Variants in CCDC178 observed in about 807,000 individuals in gnomAD.
The protein encoded by CCDC178 is coiled-coil domain containing 178.
CCDC178 carries 126 observed loss-of-function variants against 117.4 expected under a neutral mutation model. That is an observed-to-expected ratio of 1.07 (90% CI 0.93 to 1.24). CCDC178 has a LOEUF of 1.24. Ranked by LOEUF, CCDC178 falls within the 50% of genes most tolerant of loss-of-function variation. The pLI is 0.00. For synonymous variants in CCDC178, 283 were observed against 313.4 expected (o/e 0.90, Z 1.02); for missense variants, 1,030 against 986.9 (o/e 1.04, Z -0.59).
At chr18:33,322,974 A>G (rs1206528825) in intron 11 of CCDC178, among the ~76,000 whole-genome samples, 2 of 151,478 alleles carry the variant, frequency 1.3e-5, no homozygotes, top group African/African-American at 4.8e-5. Flanking sequence ...AACTGAAGGA[A>G]TAGCAGAAAA....
intron 20 of CCDC178, among the ~76,000 whole-genome samples, chr18:33,123,966 G>A (rs973629249): frequency 6.6e-6 from 1 of 152,104 alleles, no homozygotes; most frequent in Non-Finnish European, 1.5e-5. Flanking sequence ...ATAATGGAGC[G>A]TGTCTCTGCA....
chr18:33,091,321 A>ATTTTTTTTT (rs1415932731), intron 21 of CCDC178, among the ~76,000 whole-genome samples: 23 of 18,362 alleles, frequency 1.3e-3, no homozygotes, highest in East Asian at 4.4e-3. Flanking sequence ...CACTTATTTC[A>ATTTTTTTTT]TTCTTTTTTT....
At chr18:33,092,673 T>A (rs1188857910) in intron 21 of CCDC178, 88 bp downstream of exon 21, 30 of 831,342 alleles carry the variant, frequency 3.6e-5, no homozygotes, top group Non-Finnish European at 3.5e-5. Context: ...CATCGTCAGA[T>A]CAGAGGCACC....
chr18:33,338,674 C>A (rs1489735446), intron 9 of CCDC178, among the ~76,000 whole-genome samples: 1 of 152,086 alleles, frequency 6.6e-6, no homozygotes, highest in Admixed American at 6.5e-5. Flanking sequence ...TATGTTCTCA[C>A]TCATAAGTGG....
chr18:33,336,771 T>A (rs938032603), intron 9 of CCDC178, among the ~76,000 whole-genome samples: 2 of 151,942 alleles, frequency 1.3e-5, no homozygotes, highest in African/African-American at 4.8e-5. Context: ...TAAATACAAA[T>A]TAAACATTAA....
chr18:33,137,279 T>C (rs763594255), intron 20 of CCDC178, among the ~76,000 whole-genome samples: 1 of 152,236 alleles, frequency 6.6e-6, no homozygotes, highest in Non-Finnish European at 1.5e-5. Flanking sequence ...AAACACTTTT[T>C]AAAAAGCAAG....
intron 15 of CCDC178, among the ~76,000 whole-genome samples, chr18:33,241,428 TCGTGTG>T (rs1197235341): frequency 3.7e-5 from 2 of 54,502 alleles, no homozygotes; most frequent in East Asian, 7.0e-4. Context: ...GATTATATGA[TCGTGTG>T]TGTGTGTGTG....
At chr18:33,020,532 A>G (rs1394079888) in intron 21 of CCDC178, among the ~76,000 whole-genome samples, 1 of 152,208 alleles carries the variant, frequency 6.6e-6, no homozygotes, top group East Asian at 1.9e-4. Context: ...TAAGTCCATG[A>G]GCCCACTTTG....
intron 19 of CCDC178, 92 bp downstream of exon 19, chr18:33,215,458 C>A: frequency 1.3e-6 from 1 of 764,228 alleles, no homozygotes; most frequent in Non-Finnish European, 1.9e-6. Flanking sequence ...AAATACGAAC[C>A]ATTTTAAGAA....
chr18:33,329,874 A>AGT (rs764565977), intron 10 of CCDC178, among the ~76,000 whole-genome samples: 3,072 of 75,400 alleles, frequency 0.041, 50 homozygotes, highest in Non-Finnish European at 0.048. Flanking sequence ...GAGAATTATT[A>AGT]GAGTGTGTGT....
At chr18:33,012,204 A>G (rs1230781122) in intron 21 of CCDC178, among the ~76,000 whole-genome samples, 7 of 152,232 alleles carry the variant, frequency 4.6e-5, no homozygotes, top group African/African-American at 1.7e-4. Flanking sequence ...TTATTTCTGC[A>G]AAACATTATA....
At chr18:33,073,626 T>C (rs1228123206) in intron 21 of CCDC178, among the ~76,000 whole-genome samples, 4 of 152,086 alleles carry the variant, frequency 2.6e-5, no homozygotes, top group African/African-American at 9.7e-5. Context: ...TCTCAGTGGG[T>C]ATGCATAAAC....
intron 14 of CCDC178, among the ~76,000 whole-genome samples, chr18:33,261,264 T>C (rs187134596): frequency 0.014 from 2,056 of 152,258 alleles, 24 homozygotes; most frequent in Non-Finnish European, 0.023. Context: ...TTTGTATTTT[T>C]AGTAGAGACG....
At chr18:33,199,070 C>T (rs2058964445) in intron 20 of CCDC178, among the ~76,000 whole-genome samples, 1 of 151,754 alleles carries the variant, frequency 6.6e-6, no homozygotes, top group Non-Finnish European at 1.5e-5. Context: ...TGCCATTTCT[C>T]GGTAAACAAG....
chr18:33,188,018 G>A lies in CCDC178; in HGVS notation c.2238+23878C>T, dbSNP rs562846763. On this transcript the variant is annotated intron_variant, in intron 20 of 22. Transcript: ENST00000383096. Reference sequence around the variant, plus strand: ...AAATACCAACATTCTTCAAGAGCTCGGTTATTCTTTGCTGGCTAAGAGTGA... The same window carrying A: ...AAATACCAACATTCTTCAAGAGCTCAGTTATTCTTTGCTGGCTAAGAGTGA... Among the ~76,000 whole-genome samples the A allele has an allele frequency of 2.6e-5, 4 of 152,160 alleles. No individual in the cohort carries two copies. In the South Asian group the frequency reaches 6.2e-4, roughly 24 times the overall value.
chr18:33,095,816 G>A (rs1294318779), intron 20 of CCDC178, among the ~76,000 whole-genome samples: 1 of 151,606 alleles, frequency 6.6e-6, no homozygotes, highest in Admixed American at 6.6e-5. Flanking sequence ...ACTCTTTTAA[G>A]TATATAAAGA....
At chr18:33,398,020 A>C (rs913653599) in intron 3 of CCDC178, among the ~76,000 whole-genome samples, 13 of 152,092 alleles carry the variant, frequency 8.5e-5, no homozygotes, top group African/African-American at 3.1e-4. Flanking sequence ...TAACCTATAA[A>C]AATATGAGGC....
intron 20 of CCDC178, among the ~76,000 whole-genome samples, chr18:33,196,816 C>A (rs981750153): frequency 2.6e-5 from 4 of 152,110 alleles, no homozygotes; most frequent in African/African-American, 9.7e-5. Flanking sequence ...GTGAGAGGAA[C>A]CTGCTGAAAT....
chr18:33,346,446 A>C (rs2062895308), intron 8 of CCDC178, 35 bp from the exon 9 acceptor site: 1 of 1,411,718 alleles, frequency 7.1e-7, no homozygotes, highest in Admixed American at 1.7e-5. Flanking sequence ...TTTGTTAATA[A>C]ATCAGTCAAT....
Sources: gnomAD v4.1 joint callset for allele counts (sites outside exome capture counted in the v4.1 genomes callset) on GRCh38, gnomAD v4.1.1 for gene constraint, MANE v1.5 for transcripts, NCBI Gene and HGNC (gene_info 2026-07-23, HGNC 2026-07-21) for gene names.